The following RSBN1 variants were observed in gnomAD, a reference collection of about 807,000 sequenced individuals.
RSBN1 encodes round spermatid basic protein 1, also known as lysine-specific demethylase 9.
In RSBN1, 23 loss-of-function variants were observed where a neutral mutation model predicts 74.8. The observed-to-expected ratio is 0.31, with a 90% CI of 0.22 to 0.44. The LOEUF (loss-of-function observed/expected upper bound fraction) is 0.44, where lower values mean the gene tolerates loss of function less well. Among genes scored for constraint, RSBN1 ranks in the 20% least tolerant of loss-of-function variants. RSBN1 has a pLI of 1.00. For synonymous variants in RSBN1, 407 were observed against 379.6 expected (o/e 1.07, Z -0.84); for missense variants, 808 against 1,020.9 (o/e 0.79, Z 2.84).
intron 2 of RSBN1, among the ~76,000 whole-genome samples, 158 bp downstream of exon 2, chr1:113,797,205 T>C (rs1043645749): frequency 1.3e-5 from 2 of 152,154 alleles, no homozygotes; most frequent in African/African-American, 4.8e-5. Context: ...ACTCAGTAAT[T>C]AAGATTTTTC....
At chr1:113,777,057 A>G (rs150268496) in intron 4 of RSBN1, among the ~76,000 whole-genome samples, 153 bp downstream of exon 4, 3 of 152,320 alleles carry the variant, frequency 2.0e-5, no homozygotes, top group Non-Finnish European at 4.4e-5. Context: ...CCTCACTGTG[A>G]TAACTGTGAT....
intron 6 of RSBN1, 86 bp downstream of exon 6, chr1:113,767,013 T>A: frequency 8.8e-6 from 6 of 682,442 alleles, no homozygotes; most frequent in Admixed American, 3.0e-5. Context: ...ATCCCACATA[T>A]CAGACTGTAA....
At chr1:113,777,176 T>C in intron 4 of RSBN1, 34 bp downstream of exon 4, 1 of 1,583,644 alleles carries the variant, frequency 6.3e-7, no homozygotes, top group Non-Finnish European at 8.6e-7. Flanking sequence ...TAAAAAAAAG[T>C]AGTTTTGCTT....
At chr1:113,775,982 C>T (rs12117799) in intron 4 of RSBN1, among the ~76,000 whole-genome samples, 21,883 of 152,194 alleles carry the variant, frequency 0.14, 1,884 homozygotes, top group Non-Finnish European at 0.19. Flanking sequence ...TCCATTAAAA[C>T]TCACTTCTGG....
intron 2 of RSBN1, among the ~76,000 whole-genome samples, chr1:113,784,031 AG>A (rs1221080825): frequency 6.6e-6 from 1 of 152,240 alleles, no homozygotes; most frequent in East Asian, 1.9e-4. Flanking sequence ...ATCTATAACT[AG>A]GGCACACCCA....
At chr1:113,805,263 G>T (rs960319774) in intron 1 of RSBN1, among the ~76,000 whole-genome samples, 1 of 151,790 alleles carries the variant, frequency 6.6e-6, no homozygotes, top group Non-Finnish European at 1.5e-5. Context: ...CTAATTTTTT[G>T]TATTTTTCGT....
At chr1:113,810,120 G>C (rs920255845) in intron 1 of RSBN1, among the ~76,000 whole-genome samples, 3 of 152,188 alleles carry the variant, frequency 2.0e-5, no homozygotes, top group African/African-American at 7.2e-5. Context: ...AAACAAAGGA[G>C]TGGAAAAAAT....
rs1192814021 is a variant in RSBN1 at position 113,765,158 on chromosome 1, T to C, written c.*822A>G. On this transcript the variant is annotated 3_prime_UTR_variant, in exon 7 of 7. Transcript: ENST00000261441. ...CTAAGTTTAATAGTTGTGATCAGTT[T>C]AGGAAGCAAAATTATCCCCACAAAA... 1 of 152,256 alleles carries C rather than the reference T, an allele frequency of 6.6e-6. No individual in the cohort carries two copies. The highest frequency in any genetic ancestry group is 6.5e-5 in the Admixed American group (1 of 15,274). 9.4% of individuals were successfully genotyped at this position (152,256 alleles called of 1,614,324 possible). A position where few individuals can be genotyped will look rare whatever the true frequency, so the allele number is the denominator to read the frequency against.
At chr1:113,810,430 AG>A (rs1660806392) in intron 1 of RSBN1, among the ~76,000 whole-genome samples, 1 of 151,874 alleles carries the variant, frequency 6.6e-6, no homozygotes, top group Non-Finnish European at 1.5e-5. Context: ...ATGAGAAAGT[AG>A]GGAATAAAAG....
intron 2 of RSBN1, among the ~76,000 whole-genome samples, chr1:113,796,998 G>A (rs953259156): frequency 1.3e-5 from 2 of 152,128 alleles, no homozygotes; most frequent in African/African-American, 2.4e-5. Context: ...ATGCCCTCAC[G>A]TGTTTTATTA....
chr1:113,776,448 C>T (rs576180789), intron 4 of RSBN1, among the ~76,000 whole-genome samples: 1 of 152,244 alleles, frequency 6.6e-6, no homozygotes, highest in South Asian at 2.1e-4. Context: ...CTCAACTGAT[C>T]CTCCTACTTC....
In RSBN1 at chr1:113,766,172, T is replaced by C. The variant is rs1027534938; in HGVS notation, c.2217A>G (p.Ile739Met). 1 of 1,614,146 alleles carries C rather than the reference T, an allele frequency of 6.2e-7. No individual in the cohort carries two copies. The change falls in exon 7 of 7, where the codon ATA becomes ATG. Residue 739 changes from isoleucine to methionine, a missense_variant. Physicochemically the swap from Ile to Met is conservative, Grantham distance 10. Transcript: ENST00000261441. ...ELEVDSQCVR[I>M]KTESEEACTE... ...TGCATGCTTCTTCAGATTCAGTTTT[T>C]ATCCTCACACATTGGGAGTCAACTT...
chr1:113,768,234 T>C lies in RSBN1; in HGVS notation c.1814A>G (p.Gln605Arg). 3.1e-6 allele frequency: 5 copies of C among 1,607,126 alleles called. No individual in the cohort carries two copies. Among genetic ancestry groups the C allele is most frequent in the Non-Finnish European group, 4.2e-6 (5 of 1,177,302 alleles). ...TCAATTAACTCACCATTCACCAAAT[T>C]GTACAGCTTTCAAAACTCCAACAGC... ...TAAVGVLKAV[Q>R]FGEWSDQPRI... Residue 605 changes from glutamine (Q) to arginine (R), a missense_variant, in exon 5 of 7, where the codon CAA becomes CGA. This residue lies in a region of RSBN1 where 18 missense variants were observed against 16.2 expected (regional missense o/e 1.11). Transcript: ENST00000261441.
At chr1:113,793,986 C>A (rs1660420931) in intron 2 of RSBN1, among the ~76,000 whole-genome samples, 1 of 152,090 alleles carries the variant, frequency 6.6e-6, no homozygotes, top group Non-Finnish European at 1.5e-5. Context: ...TTATTTCTAA[C>A]CGTAAATTCC....
Position 113,775,893 on chromosome 1 carries a change from C to T in RSBN1, c.1658+1317G>A, listed in dbSNP as rs72990447. The stretch of plus-strand genomic sequence containing the variant: ...ATAATGTTTTCAAAGTATTTTCATA[C>T]ATTTCAAGTACCTAAGATTATTCCA... On this transcript the variant is annotated intron_variant, in intron 4 of 6. Transcript: ENST00000261441. Among the ~76,000 whole-genome samples the T allele has an allele frequency of 1.8e-3, 274 of 152,298 alleles. 1 individual carries two copies. Among genetic ancestry groups the T allele is most frequent in the African/African-American group, 6.2e-3 (259 of 41,570 alleles).
At chr1:113,803,188 C>A (rs1254081231) in intron 1 of RSBN1, among the ~76,000 whole-genome samples, 1 of 151,764 alleles carries the variant, frequency 6.6e-6, no homozygotes, top group African/African-American at 2.4e-5. Context: ...TAGCTCATTT[C>A]TTTTTAGCAC....
chr1:113,768,023 T>G, intron 5 of RSBN1, 199 bp downstream of exon 5: 1 of 438,110 alleles, frequency 2.3e-6, no homozygotes, highest in Non-Finnish European at 4.0e-6. Flanking sequence ...CCTCGCAAGA[T>G]GAAAAGGTTC....
At chr1:113,786,285 T>A (rs1033748245) in intron 2 of RSBN1, among the ~76,000 whole-genome samples, 1 of 152,130 alleles carries the variant, frequency 6.6e-6, no homozygotes, top group African/African-American at 2.4e-5. Flanking sequence ...GTTTTGGACA[T>A]GATGAGCCAG....
chr1:113,807,218 A>G (rs1344229732), intron 1 of RSBN1, among the ~76,000 whole-genome samples: 1 of 151,344 alleles, frequency 6.6e-6, no homozygotes, highest in Non-Finnish European at 1.5e-5. Context: ...GGAGGCTGAC[A>G]TAGGAGAATC....
Sources: gnomAD v4.1 joint callset for allele counts (sites outside exome capture counted in the v4.1 genomes callset) on GRCh38, gnomAD v4.1.1 for gene constraint, gnomAD v4.1.1 regional missense constraint, MANE v1.5 for transcripts, NCBI Gene and HGNC (gene_info 2026-07-23, HGNC 2026-07-21) for gene names.